SMAP2: variants seen among roughly 807,000 people sequenced by gnomAD.
SMAP2 encodes small ArfGAP2.
Under a neutral mutation model 56.4 loss-of-function variants are expected in SMAP2, and 25 were observed. The observed-to-expected ratio is 0.44, with a 90% CI of 0.32 to 0.62. SMAP2 has a LOEUF of 0.62. SMAP2 is among the 20% of genes least tolerant of loss of function. The pLI, the probability that SMAP2 is intolerant of heterozygous loss-of-function variation, is 0.04. For synonymous variants in SMAP2, 157 were observed against 181.7 expected (o/e 0.86, Z 1.09); for missense variants, 388 against 545.6 (o/e 0.71, Z 2.88).
At chr1:40,371,183 T>A (rs548850956), upstream of SMAP2, among the ~76,000 whole-genome samples, 334 of 151,756 alleles carry the variant, frequency 2.2e-3, 2 homozygotes, top group African/African-American at 7.3e-3. Flanking sequence ...AAAAAAAAAA[T>A]TTTATAACTA....
At chr1:40,397,799 A>G (rs998296895) in intron 1 of SMAP2, among the ~76,000 whole-genome samples, 13 of 152,272 alleles carry the variant, frequency 8.5e-5, no homozygotes, top group African/African-American at 2.2e-4. Context: ...AGAGAAAGTT[A>G]GGGTTTATTC....
intron 3 of SMAP2, among the ~76,000 whole-genome samples, chr1:40,409,204 A>G (rs952240789): frequency 2.0e-5 from 3 of 152,352 alleles, no homozygotes; most frequent in Admixed American, 6.5e-5. Flanking sequence ...AACAGAGCAT[A>G]GCACCTAGGA....
At chr1:40,393,493 T>C (rs1302250867) in intron 1 of SMAP2, 9 of 1,535,370 alleles carry the variant, frequency 5.9e-6, no homozygotes, top group Admixed American at 3.9e-5. Context: ...GTAAAGCTAT[T>C]TGTGAGAGAC....
chr1:40,349,403 G>A (rs1644401277), intron 1 of SMAP2, among the ~76,000 whole-genome samples: 1 of 152,108 alleles, frequency 6.6e-6, no homozygotes, highest in Non-Finnish European at 1.5e-5. Context: ...AGGAAACTGC[G>A]GCACATAGAG....
intron 1 of SMAP2, among the ~76,000 whole-genome samples, chr1:40,349,872 G>A (rs1162396667): frequency 6.6e-6 from 1 of 152,150 alleles, no homozygotes. Flanking sequence ...CTTCTAAGTT[G>A]ACTTGCAGAA....
At chr1:40,347,248 TTTG>T (rs1557819075) in intron 1 of SMAP2, among the ~76,000 whole-genome samples, 2 of 67,706 alleles carry the variant, frequency 3.0e-5, no homozygotes, top group African/African-American at 1.1e-4. Flanking sequence ...GTGTTTTGTT[TTTG>T]TTTTTTTTTT....
intron 1 of SMAP2, among the ~76,000 whole-genome samples, chr1:40,384,460 C>A (rs1370429207): frequency 6.6e-6 from 1 of 152,166 alleles, no homozygotes; most frequent in Non-Finnish European, 1.5e-5. Context: ...TACTTGTTTT[C>A]TACGTGATTA....
At chr1:40,404,344 A>G (rs1644865113) in intron 1 of SMAP2, among the ~76,000 whole-genome samples, 1 of 152,190 alleles carries the variant, frequency 6.6e-6, no homozygotes, top group African/African-American at 2.4e-5. Flanking sequence ...GGTGGGGAGA[A>G]GAGGCTGTTC....
intron 1 of SMAP2, chr1:40,375,124 T>C: frequency 1.0e-6 from 1 of 981,054 alleles, no homozygotes; most frequent in Non-Finnish European, 1.2e-6. Context: ...TAGGAAATCT[T>C]GGTTATTAGT....
Position 40,408,546 on chromosome 1 carries a change from A to G in SMAP2, c.238-107A>G. 1.3e-6 allele frequency: 1 copy of G among 796,074 alleles called. No homozygotes were observed. The highest frequency in any genetic ancestry group is 2.6e-5 in the East Asian group (1 of 38,346). The allele number at this position is 796,074 out of a possible 1,614,324, so 49.3% of individuals were successfully genotyped here. A position where few individuals can be genotyped will look rare whatever the true frequency, so the allele number is the denominator to read the frequency against. On this transcript the variant is annotated intron_variant, in intron 2 of 9. Coordinates refer to ENST00000372718, the MANE Select transcript of SMAP2 (RefSeq NM_022733.3). This position sits in a 1 kb window ranked among gnomAD's most constrained non-coding sequence, Gnocchi z 4.3. ...CACAAGTTTAAATGTTGGTTCTGAC[A>G]CTCTCTAGGTTGGTTCTTCAATTGT...
intron 1 of SMAP2, among the ~76,000 whole-genome samples, chr1:40,376,744 G>A (rs1441286933): frequency 1.3e-5 from 2 of 152,144 alleles, no homozygotes; most frequent in Non-Finnish European, 2.9e-5. Context: ...ATGAGAATTG[G>A]GTTTCAGTTT....
chr1:40,374,550 C>A lies in SMAP2; in HGVS notation c.103+327C>A. ...TGTCCAGAGAGAGCTCCCAGCATGT[C>A]ACTTGCAAAGCTGGGGATGAACTGC... On this transcript the variant is annotated intron_variant, in intron 1 of 9. Transcript: ENST00000372718. This position sits in a 1 kb window ranked among gnomAD's most constrained non-coding sequence, Gnocchi z 5.9. 1 of 1,070,064 alleles carries A rather than the reference C, an allele frequency of 9.3e-7. No individual in the cohort carries two copies. The highest frequency in any genetic ancestry group is 1.4e-6 in the Non-Finnish European group (1 of 718,618). 66.3% of individuals were successfully genotyped at this position (1,070,064 alleles called of 1,614,324 possible). A position where few individuals can be genotyped will look rare whatever the true frequency, so the allele number is the denominator to read the frequency against.
chr1:40,375,337 A>G (rs895126405), intron 1 of SMAP2, among the ~76,000 whole-genome samples: 4 of 152,234 alleles, frequency 2.6e-5, no homozygotes, highest in Admixed American at 2.6e-4. Flanking sequence ...CGTACAGCGT[A>G]GTGGGCATAT....
chr1:40,398,043 C>T (rs1272088367), intron 1 of SMAP2, among the ~76,000 whole-genome samples: 1 of 152,074 alleles, frequency 6.6e-6, no homozygotes, highest in Non-Finnish European at 1.5e-5. Context: ...TGGATGCTTA[C>T]GTTGTTTTGT....
At chr1:40,372,363 A>C (rs1644501808), upstream of SMAP2, among the ~76,000 whole-genome samples, 1 of 152,132 alleles carries the variant, frequency 6.6e-6, no homozygotes, top group Non-Finnish European at 1.5e-5. Context: ...GCTGGATTCC[A>C]ACTCCTGGGC....
At position 40,422,243 on chromosome 1, in the gene SMAP2, C is replaced by G; in HGVS notation, c.*142C>G. On this transcript the variant is annotated 3_prime_UTR_variant, in exon 10 of 10. Coordinates refer to ENST00000372718, the MANE Select transcript of SMAP2 (RefSeq NM_022733.3). Reference sequence around the variant, plus strand: ...CAATAAGTCATTTGGGGTTTGGCATCCTGCCCAGCCACTTCCCAAACATGA... The same window carrying G: ...CAATAAGTCATTTGGGGTTTGGCATGCTGCCCAGCCACTTCCCAAACATGA... 1 of 1,149,532 alleles carries G rather than the reference C, an allele frequency of 8.7e-7. No individual in the cohort carries two copies. Among genetic ancestry groups the G allele is most frequent in the Non-Finnish European group, 1.2e-6 (1 of 822,202 alleles). 71.2% of individuals were successfully genotyped at this position (1,149,532 alleles called of 1,614,324 possible).
At chr1:40,368,004 A>G (rs1644484498) in intron 2 of SMAP2, among the ~76,000 whole-genome samples, 1 of 145,114 alleles carries the variant, frequency 6.9e-6, no homozygotes, top group Non-Finnish European at 1.5e-5. Flanking sequence ...GACACAATAA[A>G]AAATGATAAA....
chr1:40,391,328 C>T (rs1050899958), intron 1 of SMAP2, among the ~76,000 whole-genome samples: 3 of 152,148 alleles, frequency 2.0e-5, no homozygotes, highest in African/African-American at 7.2e-5. Flanking sequence ...AATGCCGACG[C>T]TTGATTATGA....
chr1:40,400,565 T>C lies in SMAP2; in HGVS notation c.104-6171T>C, dbSNP rs1439048950. Among the ~76,000 whole-genome samples, 4 of 152,122 alleles carry C rather than the reference T, an allele frequency of 2.6e-5. No homozygotes were observed. In the East Asian group the frequency reaches 7.7e-4, roughly 29 times the overall value. ...TTGACAGATATTTTTGTCTTGGTGA[T>C]GTGGGGGCTGAAGGAGAGAGGTTTC... is the stretch of plus-strand genomic sequence containing the variant. On this transcript the variant is annotated intron_variant, in intron 1 of 9. Coordinates refer to ENST00000372718, the MANE Select transcript of SMAP2 (RefSeq NM_022733.3).
Sources: gnomAD v4.1 joint callset for allele counts (sites outside exome capture counted in the v4.1 genomes callset) on GRCh38, gnomAD v4.1.1 for gene constraint, Gnocchi (gnomAD v3.1) non-coding constraint, MANE v1.5 for transcripts, NCBI Gene and HGNC (gene_info 2026-07-23, HGNC 2026-07-21) for gene names.